FGFR2: variants seen among roughly 807,000 people sequenced by gnomAD.
FGFR2 encodes BEK fibroblast growth factor receptor.
FGFR2 carries 19 observed loss-of-function variants against 95.9 expected under a neutral mutation model. The ratio of observed to expected loss-of-function variants is 0.20; its 90% CI spans 0.14 to 0.29. The LOEUF (loss-of-function observed/expected upper bound fraction) is 0.29, where lower values mean the gene tolerates loss of function less well. FGFR2 is among the 10% of genes least tolerant of loss of function. The probability of loss-of-function intolerance (pLI) is 1.00; values close to 1 mark genes in which losing one functional copy is unlikely to be tolerated. For missense variants in FGFR2, 707 were observed against 1,056.9 expected, an observed-to-expected ratio of 0.67 and a Z score of 4.59; for synonymous variants, 392 against 393.3, an observed-to-expected ratio of 1.00 and a Z score of 0.04.
In FGFR2 at chr10:121,515,247, A is replaced by G; in HGVS notation, c.1157T>C (p.Phe386Ser). The change falls in exon 9 of 18, where the codon TTC becomes TCC. Residue 386 changes from phenylalanine (F) to serine (S), a missense_variant. Phe to Ser is a radical substitution (Grantham distance 155). Transcript: ENST00000358487. ...LEIAIYCIGVFLIACMVVTVI... is the reference protein window; with the variant it reads ...LEIAIYCIGVSLIACMVVTVI... ...TGTTACCACCATACAGGCGATTAAG[A>G]AGACCCCTATGCAGTAAATGGCTAT... 1 of 1,614,166 alleles carries G rather than the reference A, an allele frequency of 6.2e-7. No homozygotes were observed. Among genetic ancestry groups the G allele is most frequent in the Non-Finnish European group, 8.5e-7 (1 of 1,180,036 alleles).
intron 4 of FGFR2, 166 bp downstream of exon 4, chr10:121,564,336 C>T: frequency 1.5e-6 from 1 of 668,692 alleles, no homozygotes. Flanking sequence ...TGCAGCAACA[C>T]TGGTTTATTC....
At position 121,590,977 on chromosome 10, in the gene FGFR2, A is replaced by ACGCGCACT. The variant is rs879940171; in HGVS notation, c.109+2724_109+2731dup. ...CAGGGGCACAGGCACGCACGCACGC[A>ACGCGCACT]CGCGCACTCGCGCACACACACACAC... On this transcript the variant is annotated intron_variant, in intron 2 of 17. Coordinates refer to ENST00000358487, the MANE Select transcript of FGFR2 (RefSeq NM_000141.5). Among the ~76,000 whole-genome samples, 126 of 151,732 alleles carry ACGCGCACT rather than the reference A, an allele frequency of 8.3e-4. 1 individual carries two copies. The highest frequency in any genetic ancestry group is 1.3e-3 in the Non-Finnish European group (90 of 67,890).
rs568246026 is a variant in FGFR2 at position 121,560,608 on chromosome 10, C to A, written c.454+3894G>T. ...CCAGCCTGGGCAACAGAGCAAGACT[C>A]CGTCCCCAAAAAAAAAAAAAAAAAA... On this transcript the variant is annotated intron_variant, in intron 4 of 17. Coordinates refer to ENST00000358487, the MANE Select transcript of FGFR2 (RefSeq NM_000141.5). 4.0e-4 allele frequency among the ~76,000 whole-genome samples: 50 copies of A among 123,858 alleles called. 1 individual carries two copies. The highest frequency in any genetic ancestry group is 1.4e-3 in the Admixed American group (16 of 11,430). 81.3% of individuals were successfully genotyped at this position (123,858 alleles called of 152,430 possible).
chr10:121,494,991 A>G (rs913646759), intron 13 of FGFR2, among the ~76,000 whole-genome samples: 1 of 152,098 alleles, frequency 6.6e-6, no homozygotes, highest in Non-Finnish European at 1.5e-5. Context: ...TTTTACACTT[A>G]GGAATTGTCT....
chr10:121,509,427 T>C (rs982904403), intron 9 of FGFR2, among the ~76,000 whole-genome samples: 3 of 151,698 alleles, frequency 2.0e-5, no homozygotes, highest in African/African-American at 7.3e-5. Flanking sequence ...AAGTGTTTTT[T>C]TTTTTTCCTT....
At chr10:121,549,204 C>T (rs1711501660) in intron 5 of FGFR2, among the ~76,000 whole-genome samples, 1 of 152,084 alleles carries the variant, frequency 6.6e-6, no homozygotes, top group Admixed American at 6.6e-5. Flanking sequence ...AACAAAAAGG[C>T]AAAAACTTTT....
At chr10:121,494,827 C>G (rs901649965) in intron 13 of FGFR2, among the ~76,000 whole-genome samples, 1 of 152,200 alleles carries the variant, frequency 6.6e-6, no homozygotes, top group Non-Finnish European at 1.5e-5. Flanking sequence ...TCTCCTACAA[C>G]AGATACCACT....
At chr10:121,580,130 A>T (rs1860604355) in intron 2 of FGFR2, among the ~76,000 whole-genome samples, 1 of 152,194 alleles carries the variant, frequency 6.6e-6, no homozygotes, top group African/African-American at 2.4e-5. Context: ...CTTTCTGAAT[A>T]AAGAAATACT....
chr10:121,589,229 A>C (rs2135438165), intron 2 of FGFR2, among the ~76,000 whole-genome samples: 1 of 152,310 alleles, frequency 6.6e-6, no homozygotes. Flanking sequence ...TGTAAGGGTA[A>C]GCTAGATTAG....
chr10:121,512,527 CT>C (rs1172054031), intron 9 of FGFR2, among the ~76,000 whole-genome samples: 1 of 151,948 alleles, frequency 6.6e-6, no homozygotes, highest in African/African-American at 2.4e-5. Flanking sequence ...ATTACATTTT[CT>C]TTTTTTTCCC....
At chr10:121,482,014 T>G in intron 17 of FGFR2, 1 of 527,506 alleles carries the variant, frequency 1.9e-6, no homozygotes, top group Non-Finnish European at 3.4e-6. Flanking sequence ...ATTTTTTGTA[T>G]CTTTAGTAGA....
chr10:121,541,997 CTG>C (rs1394746891), intron 5 of FGFR2, among the ~76,000 whole-genome samples: 1 of 152,130 alleles, frequency 6.6e-6, no homozygotes, highest in Non-Finnish European at 1.5e-5. Flanking sequence ...GAGCAAAAAA[CTG>C]TCAAGGAGAG....
At chr10:121,496,155 C>T (rs1210250539) in intron 13 of FGFR2, among the ~76,000 whole-genome samples, 2 of 150,886 alleles carry the variant, frequency 1.3e-5, no homozygotes, top group African/African-American at 4.9e-5. Flanking sequence ...TGTTCAAAAA[C>T]TCAGTAACCA....
intron 9 of FGFR2, among the ~76,000 whole-genome samples, chr10:121,513,805 G>A (rs540184457): frequency 1.3e-4 from 20 of 152,078 alleles, no homozygotes; most frequent in Middle Eastern, 3.4e-3. Flanking sequence ...TCTATCCTCC[G>A]TCTCCACAAA....
At chr10:121,590,322 T>C (rs990077208) in intron 2 of FGFR2, among the ~76,000 whole-genome samples, 1 of 152,174 alleles carries the variant, frequency 6.6e-6, no homozygotes, top group Admixed American at 6.5e-5. Context: ...GGTGACAATG[T>C]CAGGAAGAAC....
intron 6 of FGFR2, among the ~76,000 whole-genome samples, chr10:121,526,537 C>T (rs1222076651): frequency 2.0e-5 from 3 of 152,166 alleles, no homozygotes; most frequent in Non-Finnish European, 4.4e-5. Context: ...CCCAGAAATA[C>T]GAAGCTTTCT....
At chr10:121,554,505 A>ATTTTT (rs11334001) in intron 4 of FGFR2, among the ~76,000 whole-genome samples, 4 of 121,960 alleles carry the variant, frequency 3.3e-5, no homozygotes, top group Non-Finnish European at 1.7e-5. Flanking sequence ...TGCCCGGCTA[A>ATTTTT]TTTTTTTTTT....
intron 6 of FGFR2, among the ~76,000 whole-genome samples, chr10:121,533,394 A>G (rs1852357255): frequency 6.6e-6 from 1 of 152,186 alleles, no homozygotes; most frequent in Non-Finnish European, 1.5e-5. Context: ...TGTCTCAAAA[A>G]ACACAAGGAG....
At chr10:121,579,701 C>A (rs1860518064) in intron 2 of FGFR2, among the ~76,000 whole-genome samples, 1 of 152,214 alleles carries the variant, frequency 6.6e-6, no homozygotes, top group African/African-American at 2.4e-5. Flanking sequence ...CCCAGCAGGG[C>A]TCAGGAGCCG....
Sources: gnomAD v4.1 joint callset for allele counts (sites outside exome capture counted in the v4.1 genomes callset) on GRCh38, gnomAD v4.1.1 for gene constraint, MANE v1.5 for transcripts, NCBI Gene and HGNC (gene_info 2026-07-23, HGNC 2026-07-21) for gene names.